RALGAPA2: variants seen among roughly 807,000 people sequenced by gnomAD.
RALGAPA2 encodes the protein Ral GTPase activating protein catalytic subunit alpha 2, also known as ral GTPase-activating protein subunit alpha-2.
Under a neutral mutation model 230.4 loss-of-function variants are expected in RALGAPA2, and 139 were observed. That is an observed-to-expected ratio of 0.60 (90% CI 0.53 to 0.69). The LOEUF (loss-of-function observed/expected upper bound fraction) is 0.69, where lower values mean the gene tolerates loss of function less well. Among genes scored for constraint, RALGAPA2 ranks in the 30% least tolerant of loss-of-function variants. The probability of loss-of-function intolerance (pLI) is 0.00; values close to 1 mark genes in which losing one functional copy is unlikely to be tolerated. For missense variants in RALGAPA2, 2,163 were observed against 2,276.0 expected (o/e 0.95, Z 1.01); for synonymous variants, 847 against 837.8 (o/e 1.01, Z -0.19).
intron 18 of RALGAPA2, among the ~76,000 whole-genome samples, chr20:20,586,929 C>CT (rs922330523): frequency 4.0e-5 from 6 of 151,872 alleles, no homozygotes; most frequent in Non-Finnish European, 8.8e-5. Context: ...TATTTGTGTT[C>CT]TTTTTTTTAA....
chr20:20,694,597 G>C (rs1331995416), intron 1 of RALGAPA2, among the ~76,000 whole-genome samples: 2 of 152,220 alleles, frequency 1.3e-5, no homozygotes, highest in Admixed American at 1.3e-4. Context: ...TGACCTGAAG[G>C]ATGGGTGATA....
intron 23 of RALGAPA2, among the ~76,000 whole-genome samples, chr20:20,565,291 G>T (rs573856713): frequency 1.6e-4 from 24 of 152,192 alleles, no homozygotes; most frequent in African/African-American, 5.8e-4. Context: ...TAACATATAT[G>T]GTTCCATAGT....
chr20:20,582,302 G>A (rs896088801), intron 20 of RALGAPA2, among the ~76,000 whole-genome samples: 1 of 151,874 alleles, frequency 6.6e-6, no homozygotes, highest in Non-Finnish European at 1.5e-5. Flanking sequence ...CATAAAGTAC[G>A]GGCTATTATC....
At chr20:20,569,177 C>CTAAT (rs2064545004) in intron 23 of RALGAPA2, among the ~76,000 whole-genome samples, 2 of 152,148 alleles carry the variant, frequency 1.3e-5, no homozygotes, top group Non-Finnish European at 2.9e-5. Flanking sequence ...AAAAGTTAAA[C>CTAAT]TAATTACCAG....
chr20:20,393,214 G>A lies in RALGAPA2; in HGVS notation c.*75C>T, dbSNP rs1336619154. On this transcript the variant is annotated 3_prime_UTR_variant, in exon 40 of 40. Transcript: ENST00000202677. The stretch of plus-strand genomic sequence containing the variant: ...GTGTTCTGTCTCCTCCTCACTCAGG[G>A]GCTCTTCGAGGTCAGCACTCAGACT... 1 of 1,352,842 alleles carries A rather than the reference G, an allele frequency of 7.4e-7. No individual in the cohort carries two copies. The highest frequency in any genetic ancestry group is 4.7e-5 in the East Asian group (1 of 21,450). 83.8% of individuals were successfully genotyped at this position (1,352,842 alleles called of 1,614,324 possible).
intron 24 of RALGAPA2, among the ~76,000 whole-genome samples, chr20:20,541,591 G>A (rs1031750980): frequency 7.2e-5 from 11 of 152,134 alleles, no homozygotes; most frequent in Non-Finnish European, 1.0e-4. Context: ...TCCATGTCCC[G>A]GGCAGGATGG....
At chr20:20,510,149 T>C (rs1333578965) in intron 33 of RALGAPA2, among the ~76,000 whole-genome samples, 1 of 152,144 alleles carries the variant, frequency 6.6e-6, no homozygotes, top group East Asian at 1.9e-4. Flanking sequence ...TTCAGCAGGC[T>C]CTAACTCATC....
intron 1 of RALGAPA2, among the ~76,000 whole-genome samples, chr20:20,709,335 A>G (rs1053441236): frequency 2.6e-5 from 4 of 151,962 alleles, no homozygotes; most frequent in Admixed American, 6.5e-5. Context: ...AAAAAATACA[A>G]AAATGAGCCT....
At chr20:20,619,961 C>G (rs928146870) in intron 11 of RALGAPA2, among the ~76,000 whole-genome samples, 2 of 152,170 alleles carry the variant, frequency 1.3e-5, no homozygotes, top group Non-Finnish European at 2.9e-5. Context: ...GGACAGTGGC[C>G]CCTCCAGGAG....
At chr20:20,621,143 A>G (rs1293131498) in intron 10 of RALGAPA2, among the ~76,000 whole-genome samples, 2 of 148,138 alleles carry the variant, frequency 1.4e-5, no homozygotes, top group Non-Finnish European at 3.0e-5. Context: ...TCAGTCTCCA[A>G]AAAAAAAAAA....
chr20:20,610,688 T>G (rs1229440782), intron 14 of RALGAPA2, among the ~76,000 whole-genome samples: 1 of 152,170 alleles, frequency 6.6e-6, no homozygotes, highest in Non-Finnish European at 1.5e-5. Context: ...CTGCAAAGCC[T>G]TAACTACACT....
At position 20,391,755 on chromosome 20, in the gene RALGAPA2, C is replaced by T. The variant is rs1165088650; in HGVS notation, c.*1534G>A. The stretch of plus-strand genomic sequence containing the variant: ...GGGTGGCCAAGCAGCCTGAAGGTAA[C>T]AAGTGTGTGCAAGGGCAGAGGGCAG... On this transcript the variant is annotated 3_prime_UTR_variant, in exon 40 of 40. Transcript: ENST00000202677. 1 of 152,534 alleles carries T rather than the reference C, an allele frequency of 6.6e-6. No individual in the cohort carries two copies. The highest frequency in any genetic ancestry group is 1.9e-4 in the East Asian group (1 of 5,200). The allele number at this position is 152,534 out of a possible 1,614,324, so 9.4% of individuals were successfully genotyped here. A position where few individuals can be genotyped will look rare whatever the true frequency, so the allele number is the denominator to read the frequency against.
intron 24 of RALGAPA2, among the ~76,000 whole-genome samples, chr20:20,544,037 A>G (rs2063717288): frequency 1.3e-5 from 2 of 152,028 alleles, no homozygotes; most frequent in South Asian, 2.1e-4. Flanking sequence ...CAAACATATG[A>G]AAAAAAGCTC....
rs145543886 is a variant in RALGAPA2 at position 20,396,412 on chromosome 20, C to T, written c.*35+283G>A. On this transcript the variant is annotated intron_variant, in intron 39 of 39. Coordinates refer to ENST00000202677, the MANE Select transcript of RALGAPA2 (RefSeq NM_020343.4). ...CAGCGCCCGCTGGCTCCCTGCAGCC[C>T]CACACACAAAAGGGCAGGCGACAAA... Among the ~76,000 whole-genome samples the T allele has an allele frequency of 3.6e-3, 554 of 152,382 alleles. 5 individuals carry two copies. The highest frequency in any genetic ancestry group is 0.013 in the African/African-American group (535 of 41,596).
chr20:20,455,917 T>G lies in RALGAPA2; in HGVS notation c.5495+16912A>C, dbSNP rs1046240427. 3.5e-4 allele frequency among the ~76,000 whole-genome samples: 53 copies of G among 152,240 alleles called. 1 individual carries two copies. Among genetic ancestry groups the G allele is most frequent in the Admixed American group, 3.4e-3 (52 of 15,286 alleles). Reference sequence around the variant, plus strand: ...TGAGGTACATCAAAACTCATGATTTTTGAAAGCAATATAAAATTAGGATTC... The same window carrying G: ...TGAGGTACATCAAAACTCATGATTTGTGAAAGCAATATAAAATTAGGATTC... On this transcript the variant is annotated intron_variant, in intron 37 of 39. Coordinates refer to ENST00000202677, the MANE Select transcript of RALGAPA2 (RefSeq NM_020343.4).
chr20:20,465,529 A>G (rs951759781), intron 37 of RALGAPA2, among the ~76,000 whole-genome samples: 2 of 152,102 alleles, frequency 1.3e-5, no homozygotes. Context: ...GGGGAAAGAG[A>G]GAAAGAAGGA....
intron 9 of RALGAPA2, among the ~76,000 whole-genome samples, chr20:20,634,292 T>C (rs1436596620): frequency 6.6e-6 from 1 of 152,208 alleles, no homozygotes; most frequent in Non-Finnish European, 1.5e-5. Flanking sequence ...TCTAAGTTTT[T>C]AGTCACTGTC....
intron 38 of RALGAPA2, among the ~76,000 whole-genome samples, chr20:20,408,766 T>C (rs2059997954): frequency 1.1e-5 from 1 of 87,834 alleles, no homozygotes; most frequent in Non-Finnish European, 2.2e-5. Context: ...TATGTGTATA[T>C]AAATGTATTT....
intron 37 of RALGAPA2, among the ~76,000 whole-genome samples, chr20:20,422,311 C>T (rs1389729453): frequency 6.6e-6 from 1 of 152,106 alleles, no homozygotes; most frequent in Non-Finnish European, 1.5e-5. Flanking sequence ...AAAATAAATG[C>T]CCCCAGGCTG....
Sources: gnomAD v4.1 joint callset for allele counts (sites outside exome capture counted in the v4.1 genomes callset) on GRCh38, gnomAD v4.1.1 for gene constraint, MANE v1.5 for transcripts, NCBI Gene and HGNC (gene_info 2026-07-23, HGNC 2026-07-21) for gene names.